Variants in FAF2 observed in about 807,000 individuals in gnomAD.
FAF2 encodes Fas associated factor family member 2, also known as FAS-associated factor 2.
Under a neutral mutation model 62.3 loss-of-function variants are expected in FAF2, and 9 were observed. The observed-to-expected ratio is 0.14, with a 90% CI of 0.09 to 0.25. The LOEUF is 0.25. FAF2 is among the 10% of genes least tolerant of loss of function. The pLI is 1.00. For missense variants in FAF2, 368 were observed against 556.2 expected (o/e 0.66, Z 3.40); for synonymous variants, 202 against 198.0 (o/e 1.02, Z -0.17).
chr5:176,460,795 C>T lies in FAF2; in HGVS notation c.63+12325C>T, dbSNP rs996471648. ...GCAAGACCCCAACTGTACCAAAAATCCAAAAGATTCACCAGGCATGGCGGT... is the reference window on the plus strand; with the variant it reads ...GCAAGACCCCAACTGTACCAAAAATTCAAAAGATTCACCAGGCATGGCGGT... On this transcript the variant is annotated intron_variant, in intron 1 of 10. Coordinates refer to ENST00000261942, the MANE Select transcript of FAF2 (RefSeq NM_014613.3). 7.2e-5 allele frequency among the ~76,000 whole-genome samples: 11 copies of T among 151,940 alleles called. No individual in the cohort carries two copies. The East Asian group carries it at 2.1e-3, about 30-fold the overall frequency.
rs566675645 is a variant in FAF2, at chr5:176,469,077, G to T, written c.64-10111G>T. Among the ~76,000 whole-genome samples, 6 of 151,488 alleles carry T rather than the reference G, an allele frequency of 4.0e-5. No individual in the cohort carries two copies. In the South Asian group the frequency reaches 1.3e-3, roughly 32 times the overall value. ...CTGGCCAACATGGTGAAACCCTGTC[G>T]GTACTAAAAATACAAAAATTAGCTG... On this transcript the variant is annotated intron_variant, in intron 1 of 10. Coordinates refer to ENST00000261942, the MANE Select transcript of FAF2 (RefSeq NM_014613.3).
chr5:176,476,263 T>TA (rs1758687969), intron 1 of FAF2, among the ~76,000 whole-genome samples: 1 of 152,048 alleles, frequency 6.6e-6, no homozygotes, highest in East Asian at 1.9e-4. Flanking sequence ...GAACCTGTCT[T>TA]AAAAAAACAA....
chr5:176,462,485 G>T (rs1040289034), intron 1 of FAF2, among the ~76,000 whole-genome samples: 1 of 151,806 alleles, frequency 6.6e-6, no homozygotes, highest in Admixed American at 6.6e-5. Flanking sequence ...TTAGCCGGGC[G>T]TGGTGGCGCA....
chr5:176,489,683 A>G (rs1758938098), intron 4 of FAF2, among the ~76,000 whole-genome samples: 2 of 152,088 alleles, frequency 1.3e-5, no homozygotes, highest in African/African-American at 4.8e-5. Context: ...GATTACAAGC[A>G]TGCGCCACCA....
intron 10 of FAF2, among the ~76,000 whole-genome samples, chr5:176,500,440 G>C (rs149577972): frequency 6.6e-6 from 1 of 152,316 alleles, no homozygotes. Context: ...CAAAAGACTT[G>C]TGTGTTTGAA....
At chr5:176,481,240 G>A (rs751648305) in intron 2 of FAF2, among the ~76,000 whole-genome samples, 15 of 152,032 alleles carry the variant, frequency 9.9e-5, no homozygotes, top group Non-Finnish European at 2.1e-4. Context: ...TAGAGACGAG[G>A]TTTCACCATA....
chr5:176,502,621 C>T (rs2113748201), intron 10 of FAF2, among the ~76,000 whole-genome samples: 1 of 152,192 alleles, frequency 6.6e-6, no homozygotes, highest in African/African-American at 2.4e-5. Context: ...ATTTACTCTC[C>T]TGAGAGTTTT....
At chr5:176,460,281 G>A (rs979780232) in intron 1 of FAF2, among the ~76,000 whole-genome samples, 1 of 151,920 alleles carries the variant, frequency 6.6e-6, no homozygotes, top group Non-Finnish European at 1.5e-5. Flanking sequence ...GATAGTTCTG[G>A]TTTTTTTCTT....
intron 1 of FAF2, among the ~76,000 whole-genome samples, chr5:176,465,663 A>C (rs1347613012): frequency 3.3e-5 from 5 of 152,164 alleles, no homozygotes; most frequent in Admixed American, 6.5e-5. Context: ...CACCATGCCC[A>C]GCCCAGAAAT....
chr5:176,502,807 T>C (rs1239964570), intron 10 of FAF2, among the ~76,000 whole-genome samples: 1 of 152,042 alleles, frequency 6.6e-6, no homozygotes, highest in African/African-American at 2.4e-5. Context: ...CCCAGCACTT[T>C]GGGGGGCCGA....
intron 1 of FAF2, among the ~76,000 whole-genome samples, chr5:176,458,335 G>C (rs1476242127): frequency 6.6e-6 from 1 of 150,518 alleles, no homozygotes; most frequent in African/African-American, 2.4e-5. Flanking sequence ...ACCTGCCTTG[G>C]CCTTACAAAG....
At chr5:176,476,232 C>A (rs1032361164) in intron 1 of FAF2, among the ~76,000 whole-genome samples, 1 of 152,038 alleles carries the variant, frequency 6.6e-6, no homozygotes, top group Non-Finnish European at 1.5e-5. Flanking sequence ...TGCACTCCAG[C>A]CTGGACAACA....
chr5:176,484,505 A>G (rs1223281023), intron 2 of FAF2, among the ~76,000 whole-genome samples: 1 of 152,144 alleles, frequency 6.6e-6, no homozygotes, highest in African/African-American at 2.4e-5. Flanking sequence ...AGGTTCCCCT[A>G]TTTTACTTAA....
At chr5:176,461,267 G>A (rs1157331469) in intron 1 of FAF2, among the ~76,000 whole-genome samples, 1 of 145,908 alleles carries the variant, frequency 6.9e-6, no homozygotes, top group Non-Finnish European at 1.5e-5. Context: ...ACCCACCTCG[G>A]CCTCCCAAGG....
chr5:176,486,473 C>A lies in FAF2; in HGVS notation c.251C>A (p.Ser84Ter). 1 of 1,614,098 alleles carries A rather than the reference C, an allele frequency of 6.2e-7. No homozygotes were observed. The highest frequency in any genetic ancestry group is 8.5e-7 in the Non-Finnish European group (1 of 1,180,026). The change falls in exon 3 of 11, where the codon TCA becomes TAA. Residue 84 changes from serine (S) to a stop codon, truncating the protein, a stop_gained. Coordinates refer to ENST00000261942, the MANE Select transcript of FAF2 (RefSeq NM_014613.3). LOFTEE classifies it high-confidence loss of function. ...ADHRIYSYVV[S>*]RPQPRGLLGW... is the part of the protein sequence containing the mutation. ...CACAGGATCTACAGCTATGTTGTCT[C>A]AAGACCTCAACCAAGGGCAAGTTAT...
chr5:176,451,865 TATATAC>T (rs1561813562), intron 1 of FAF2, among the ~76,000 whole-genome samples: 2 of 38,830 alleles, frequency 5.2e-5, no homozygotes, highest in Admixed American at 3.7e-4. Context: ...TACACATATA[TATATAC>T]ACACATATAT....
chr5:176,500,979 T>C (rs1185872584), intron 10 of FAF2, among the ~76,000 whole-genome samples: 3 of 151,896 alleles, frequency 2.0e-5, no homozygotes, highest in African/African-American at 4.8e-5. Flanking sequence ...ATACAAAAAT[T>C]AGCTGGGCGT....
chr5:176,461,769 A>G (rs368533026), intron 1 of FAF2, among the ~76,000 whole-genome samples: 1 of 151,912 alleles, frequency 6.6e-6, no homozygotes, highest in East Asian at 1.9e-4. Flanking sequence ...CTCTGTTGAT[A>G]GTTTCTTTTA....
chr5:176,482,770 C>G (rs958265382), intron 2 of FAF2, among the ~76,000 whole-genome samples: 1 of 152,230 alleles, frequency 6.6e-6, no homozygotes, highest in Non-Finnish European at 1.5e-5. Flanking sequence ...CCCAGCTTGT[C>G]TTCCCAAAGT....
Sources: gnomAD v4.1 joint callset for allele counts (sites outside exome capture counted in the v4.1 genomes callset) on GRCh38, gnomAD v4.1.1 for gene constraint, MANE v1.5 for transcripts, NCBI Gene and HGNC (gene_info 2026-07-23, HGNC 2026-07-21) for gene names.